The following SLC10A1 variants were observed in gnomAD, a reference collection of about 807,000 sequenced individuals.
SLC10A1 encodes solute carrier family 10 member 1, also known as hepatic sodium/bile acid cotransporter.
SLC10A1 carries 36 observed loss-of-function variants against 20.5 expected under a neutral mutation model. The observed-to-expected ratio is 1.75, with a 90% confidence interval of 1.34 to 2.32. SLC10A1 has a LOEUF of 2.32. Ranked by LOEUF, SLC10A1 falls within the 30% of genes most tolerant of loss-of-function variation. The pLI is 0.00. For missense variants in SLC10A1, 545 were observed against 439.1 expected, an observed-to-expected ratio of 1.24 and a Z score of -2.16; for synonymous variants, 188 against 163.6, an observed-to-expected ratio of 1.15 and a Z score of -1.14.
In SLC10A1 at chr14:69,797,015, C is replaced by A. The variant is rs201341743; in HGVS notation, c.141G>T (p.Glu47Asp). The change falls in exon 1 of 5, where the codon GAG becomes GAT. Residue 47 changes from glutamate to aspartate, a missense_variant. By Grantham distance (45) the Glu-to-Asp change is conservative. Transcript: ENST00000216540. ...FIMLSLGCTM[E>D]FSKIKAHLWK... The stretch of plus-strand genomic sequence containing the variant: ...ATAAGTGAGCCTTGATCTTGCTGAA[C>A]TCCATGGTGCAGCCCAGCGAGAGCA... 6 of 1,614,134 alleles carry A rather than the reference C, an allele frequency of 3.7e-6. No individual in the cohort carries two copies. Among genetic ancestry groups the A allele is most frequent in the Non-Finnish European group, 5.1e-6 (6 of 1,180,062 alleles).
chr14:69,779,573 C>T (rs1255582279), intron 2 of SLC10A1, among the ~76,000 whole-genome samples: 1 of 152,008 alleles, frequency 6.6e-6, no homozygotes, highest in African/African-American at 2.4e-5. Context: ...ACTATGTTGC[C>T]CAGGCTGGTC....
At chr14:69,792,914 C>T (rs1341525613) in intron 1 of SLC10A1, among the ~76,000 whole-genome samples, 3 of 151,670 alleles carry the variant, frequency 2.0e-5, no homozygotes, top group East Asian at 3.9e-4. Context: ...ACGTAAATCC[C>T]GCAGTCTATC....
chr14:69,796,250 A>G (rs1456102110), intron 1 of SLC10A1, among the ~76,000 whole-genome samples: 1 of 152,148 alleles, frequency 6.6e-6, no homozygotes, highest in Non-Finnish European at 1.5e-5. Context: ...CTTTGCATGG[A>G]AATGTCATTG....
intron 1 of SLC10A1, among the ~76,000 whole-genome samples, chr14:69,791,398 T>C (rs1347118874): frequency 6.6e-6 from 1 of 152,088 alleles, no homozygotes; most frequent in Non-Finnish European, 1.5e-5. Flanking sequence ...CCTCCCGGGT[T>C]CACGCCATTC....
intron 2 of SLC10A1, among the ~76,000 whole-genome samples, chr14:69,780,946 G>T (rs1883577152): frequency 6.6e-6 from 1 of 152,132 alleles, no homozygotes; most frequent in Admixed American, 6.6e-5. Flanking sequence ...GAATCCAGAA[G>T]CCCTCTTCTT....
At chr14:69,791,340 A>G (rs959417851) in intron 1 of SLC10A1, among the ~76,000 whole-genome samples, 7 of 151,534 alleles carry the variant, frequency 4.6e-5, no homozygotes, top group African/African-American at 9.7e-5. Flanking sequence ...TCGCTCTGTC[A>G]CCCAGGTTGG....
chr14:69,796,715 G>T (rs1882391419), intron 1 of SLC10A1, 85 bp downstream of exon 1: 1 of 1,172,268 alleles, frequency 8.5e-7, no homozygotes, highest in Non-Finnish European at 1.2e-6. Context: ...CCTTTTCCTG[G>T]CTTTAGCCCA....
At position 69,796,759 on chromosome 14, in the gene SLC10A1, GC is replaced by G. The variant is rs756925388; in HGVS notation, c.356+40del. 2.0e-6 allele frequency: 3 copies of G among 1,492,308 alleles called. No individual in the cohort carries two copies. In the South Asian group the frequency reaches 3.7e-5, roughly 18 times the overall value. 92.4% of individuals were successfully genotyped at this position (1,492,308 alleles called of 1,614,324 possible). ...CCTCAATTGTGACATATCTAATGTA[GC>G]TCCTGTCCCAGGCTGTTCCCTCCTC... On this transcript the variant is annotated intron_variant, in intron 1 of 4. Transcript: ENST00000216540.
intron 2 of SLC10A1, among the ~76,000 whole-genome samples, chr14:69,779,822 G>A (rs1269702417): frequency 1.5e-5 from 2 of 136,396 alleles, no homozygotes; most frequent in Admixed American, 1.5e-4. Flanking sequence ...CAGGACTCCT[G>A]CAAAATGGAT....
rs780554510 is a variant in SLC10A1 at position 69,778,515 on chromosome 14, A to T, written c.761T>A (p.Val254Asp). 4.4e-6 allele frequency: 7 copies of T among 1,608,484 alleles called. No homozygotes were observed. The highest frequency in any genetic ancestry group is 1.1e-5 in the South Asian group (1 of 90,364). ...FCLNGRCRRTVSMETGCQNVQ... is the reference protein window; with the variant it reads ...FCLNGRCRRTDSMETGCQNVQ... ...ATTTTGGCATCCAGTCTCCATGCTGACAGTGCGTCTGCACCTGTGCCGGTG... is the reference window on the plus strand; with the variant it reads ...ATTTTGGCATCCAGTCTCCATGCTGTCAGTGCGTCTGCACCTGTGCCGGTG... The change falls in exon 4 of 5, where the codon GTC becomes GAC. Residue 254 changes from valine (V) to aspartate (D), a missense_variant. Transcript: ENST00000216540.
chr14:69,782,162 G>C (rs1426122973), intron 2 of SLC10A1, among the ~76,000 whole-genome samples: 2 of 152,232 alleles, frequency 1.3e-5, no homozygotes, highest in Admixed American at 6.5e-5. Context: ...AATATAGGAA[G>C]ATCAGTGTAG....
At chr14:69,795,829 G>C (rs1463194724) in intron 1 of SLC10A1, among the ~76,000 whole-genome samples, 1 of 152,168 alleles carries the variant, frequency 6.6e-6, no homozygotes, top group Non-Finnish European at 1.5e-5. Context: ...GGTGCTGACA[G>C]ACACAAGCAG....
intron 2 of SLC10A1, among the ~76,000 whole-genome samples, 178 bp from the exon 3 acceptor site, chr14:69,779,538 T>C (rs977063521): frequency 1.3e-5 from 2 of 152,210 alleles, no homozygotes; most frequent in Non-Finnish European, 2.9e-5. Flanking sequence ...TTTTTTAAAA[T>C]TATTAACATT....
At chr14:69,782,958 C>G (rs1480187020) in intron 2 of SLC10A1, among the ~76,000 whole-genome samples, 16 of 152,182 alleles carry the variant, frequency 1.1e-4, no homozygotes, top group Admixed American at 1.0e-3. Flanking sequence ...GTTTTCCCAC[C>G]TATAAAATGG....
At chr14:69,776,509 T>C in intron 4 of SLC10A1, 121 bp from the exon 5 acceptor site, 4 of 721,718 alleles carry the variant, frequency 5.5e-6, no homozygotes, top group Non-Finnish European at 9.2e-6. Context: ...AAGTATATAT[T>C]TTCCATCTCT....
intron 2 of SLC10A1, among the ~76,000 whole-genome samples, chr14:69,784,775 CT>C (rs67587296): frequency 0.36 from 55,105 of 151,584 alleles, 11,861 homozygotes; most frequent in African/African-American, 0.6. Flanking sequence ...AAGGAGGTCT[CT>C]TGAGTACAAG....
At chr14:69,790,516 T>C (rs967512655) in intron 1 of SLC10A1, among the ~76,000 whole-genome samples, 6 of 152,184 alleles carry the variant, frequency 3.9e-5, no homozygotes, top group African/African-American at 1.2e-4. Flanking sequence ...AGATAATCTA[T>C]TAATACATAT....
intron 1 of SLC10A1, among the ~76,000 whole-genome samples, chr14:69,792,995 G>T (rs1424386791): frequency 1.3e-5 from 2 of 152,148 alleles, no homozygotes; most frequent in East Asian, 3.8e-4. Context: ...AAATTCCCAG[G>T]GATGCTCCCT....
At chr14:69,786,987 A>G (rs1298566917) in intron 1 of SLC10A1, among the ~76,000 whole-genome samples, 1 of 152,236 alleles carries the variant, frequency 6.6e-6, no homozygotes. Context: ...ACTGTAAAAG[A>G]AATAGTGAAG....
Sources: allele counts gnomAD v4.1 joint callset (sites outside exome capture counted in the v4.1 genomes callset), GRCh38; gene constraint gnomAD v4.1.1; transcripts MANE v1.5; gene names NCBI Gene and HGNC (gene_info 2026-07-23, HGNC 2026-07-21).